The following TTC34 variants were observed in gnomAD, a reference collection of about 807,000 sequenced individuals.
TTC34 encodes the protein tetratricopeptide repeat protein 34.
A neutral mutation model predicts 40.7 loss-of-function variants in TTC34; 44 were observed. That is an observed-to-expected ratio of 1.08 (90% CI 0.85 to 1.39). The LOEUF (loss-of-function observed/expected upper bound fraction) is 1.39. Ranked by LOEUF, TTC34 falls within the 40% of genes most tolerant of loss-of-function variation. The pLI is 0.00. For missense variants in TTC34, 884 were observed against 838.0 expected (o/e 1.05, Z -0.68); for synonymous variants, 422 against 398.6 (o/e 1.06, Z -0.70).
rs113126321 is a variant in TTC34 at position 2,692,289 on chromosome 1, G to T, written c.2227-46726C>A. Among the ~76,000 whole-genome samples the T allele has an allele frequency of 2.6e-5, 2 of 76,274 alleles. 1 individual carries two copies. Among genetic ancestry groups the T allele is most frequent in the Non-Finnish European group, 6.4e-5 (2 of 31,276 alleles). 50.0% of individuals were successfully genotyped at this position (76,274 alleles called of 152,430 possible). On this transcript the variant is annotated intron_variant, in intron 6 of 8. Transcript: ENST00000401095. ...CCCTCAGGTGAGCATCTGACAGCCTGGAGCAGCAGGCACACCCCCAGTGAG... is the reference window on the plus strand; with the variant it reads ...CCCTCAGGTGAGCATCTGACAGCCTTGAGCAGCAGGCACACCCCCAGTGAG...
chr1:2,685,635 A>G (rs1191964682), intron 6 of TTC34, among the ~76,000 whole-genome samples: 2 of 136,902 alleles, frequency 1.5e-5, no homozygotes, highest in Non-Finnish European at 3.1e-5. Context: ...AGCAGCACCC[A>G]CACCCTCAGG....
chr1:2,642,052 A>G (rs1638918600), intron 8 of TTC34, among the ~76,000 whole-genome samples, 157 bp from the exon 9 acceptor site: 1 of 152,020 alleles, frequency 6.6e-6, no homozygotes, highest in African/African-American at 2.4e-5. Flanking sequence ...CTGCTTCTGG[A>G]GGGGCTGGCT....
At chr1:2,685,115 A>C in intron 6 of TTC34, among the ~76,000 whole-genome samples, 1 of 141,614 alleles carries the variant, frequency 7.1e-6, no homozygotes, top group African/African-American at 2.9e-5. Flanking sequence ...ATCAGCACCC[A>C]CACCCCCAGG....
intron 6 of TTC34, among the ~76,000 whole-genome samples, chr1:2,653,358 G>A (rs1475204159): frequency 2.0e-5 from 3 of 150,888 alleles, no homozygotes; most frequent in African/African-American, 7.3e-5. Context: ...GCCTGGAACA[G>A]CACCCACACC....
At chr1:2,792,576 C>G (rs1437382596) in intron 2 of TTC34, among the ~76,000 whole-genome samples, 2 of 152,170 alleles carry the variant, frequency 1.3e-5, no homozygotes, top group Non-Finnish European at 2.9e-5. Context: ...ACTCCAAATT[C>G]TATTGCTTTT....
intron 6 of TTC34, among the ~76,000 whole-genome samples, chr1:2,649,731 G>C (rs1227428721): frequency 1.3e-5 from 2 of 152,160 alleles, no homozygotes; most frequent in Non-Finnish European, 2.9e-5. Context: ...ATGTTGACCA[G>C]GCTGGTCTTG....
intron 6 of TTC34, among the ~76,000 whole-genome samples, chr1:2,778,395 G>C (rs371207105): frequency 6.6e-6 from 1 of 152,170 alleles, no homozygotes; most frequent in African/African-American, 2.4e-5. Context: ...CCTCAGGGCA[G>C]GTCTCCCTTG....
rs1199485317 is a variant in TTC34, at chr1:2,683,656, T to C, written c.2227-38093A>G. On this transcript the variant is annotated intron_variant, in intron 6 of 8. Transcript: ENST00000401095. ...ACCCCCAGGTGAGCATCTGACAGCC[T>C]GGAGCAGCACGCTGCACCCCCAGGT... is the stretch of plus-strand genomic sequence containing the variant. Among the ~76,000 whole-genome samples, 19 of 147,072 alleles carry C rather than the reference T, an allele frequency of 1.3e-4. No individual in the cohort carries two copies. The Middle Eastern group carries it at 0.011, about 82-fold the overall frequency.
exon 8 of TTC34, chr1:2,644,348 C>T: frequency 1.3e-6 from 2 of 1,535,998 alleles, no homozygotes; most frequent in South Asian, 1.2e-5. Flanking sequence ...CCAGGCTCTG[C>T]AGGTCCCTTG....
intron 6 of TTC34, among the ~76,000 whole-genome samples, chr1:2,677,067 A>G (rs1639932694): frequency 2.5e-5 from 2 of 80,312 alleles, no homozygotes; most frequent in African/African-American, 4.1e-5. Flanking sequence ...TGAGCATCTG[A>G]TTGTCTGGAG....
intron 6 of TTC34, among the ~76,000 whole-genome samples, chr1:2,777,957 G>C (rs928331851): frequency 3.9e-5 from 6 of 152,184 alleles, no homozygotes; most frequent in Non-Finnish European, 7.3e-5. Flanking sequence ...GCATGTCCCT[G>C]GCAGCCACAG....
At chr1:2,752,822 T>G (rs1641368795) in intron 6 of TTC34, among the ~76,000 whole-genome samples, 1 of 138,264 alleles carries the variant, frequency 7.2e-6, no homozygotes. Context: ...CATCCCCAGG[T>G]GCGCACCTGA....
intron 6 of TTC34, among the ~76,000 whole-genome samples, chr1:2,753,463 G>T (rs1175143859): frequency 2.3e-5 from 2 of 86,446 alleles, no homozygotes; most frequent in Admixed American, 1.1e-4. Context: ...GCACCCCCAG[G>T]TGTGCACGTG....
intron 6 of TTC34, among the ~76,000 whole-genome samples, chr1:2,685,827 C>T (rs564046207): frequency 0.076 from 1,899 of 25,034 alleles, 3 homozygotes; most frequent in African/African-American, 0.17. Context: ...CAGACTGGAA[C>T]GGCACCCCCA....
intron 6 of TTC34, among the ~76,000 whole-genome samples, chr1:2,752,408 C>A (rs1263586540): frequency 2.3e-5 from 3 of 129,082 alleles, no homozygotes; most frequent in African/African-American, 3.3e-5. Context: ...ACAGCACCCA[C>A]ACACCCAGGT....
At position 2,787,466 on chromosome 1, in the gene TTC34, C is replaced by T. The variant is rs1405109741; in HGVS notation, c.1854+15G>A. On this transcript the variant is annotated intron_variant, in intron 4 of 8. Coordinates refer to ENST00000401095, the Ensembl canonical transcript of TTC34. ...CATTTCCACCTGCCCTCTGTCACCC[C>T]CCAGGCCTCCTCACCTGGTTGGCGT... The T allele has an allele frequency of 4.8e-6, 7 of 1,466,132 alleles. No individual in the cohort carries two copies. In the Admixed American group the frequency reaches 1.2e-4, roughly 26 times the overall value. 90.8% of individuals were successfully genotyped at this position (1,466,132 alleles called of 1,614,324 possible).
chr1:2,692,721 G>GACAGCCTAGAACAACACCCTGCACCCCC (rs1640683522), intron 6 of TTC34, among the ~76,000 whole-genome samples: 1 of 100,208 alleles, frequency 1.0e-5, no homozygotes, highest in Non-Finnish European at 1.9e-5. Context: ...GTGAGCATCT[G>GACAGCCTAGAACAACACCCTGCACCCCC]AGAGCCTGGA....
chr1:2,675,023 C>G (rs1639847051), intron 6 of TTC34, among the ~76,000 whole-genome samples: 1 of 135,184 alleles, frequency 7.4e-6, no homozygotes, highest in Non-Finnish European at 1.6e-5. Flanking sequence ...ATCTGATGGT[C>G]TGGAGCAGCA....
chr1:2,793,726 A>G (rs778017452), intron 2 of TTC34, among the ~76,000 whole-genome samples: 8 of 152,154 alleles, frequency 5.3e-5, no homozygotes, highest in Non-Finnish European at 1.2e-4. Context: ...TCACCTGTTA[A>G]GTTTTAGATC....
Sources: allele counts gnomAD v4.1 joint callset (sites outside exome capture counted in the v4.1 genomes callset), GRCh38; gene constraint gnomAD v4.1.1; transcripts MANE v1.5; gene names NCBI Gene and HGNC (gene_info 2026-07-23, HGNC 2026-07-21).